The following MLLT10 variants were observed in gnomAD, a reference collection of about 807,000 sequenced individuals.
MLLT10 encodes MLLT10 histone lysine methyltransferase DOT1L cofactor.
A neutral mutation model predicts 129.1 loss-of-function variants in MLLT10; 30 were observed. The observed-to-expected ratio is 0.23, with a 90% confidence interval of 0.17 to 0.32. The LOEUF (loss-of-function observed/expected upper bound fraction) is 0.32, where lower values mean the gene tolerates loss of function less well. Ranked by LOEUF, MLLT10 falls within the 10% of genes least tolerant of loss-of-function variation. MLLT10 has a pLI of 1.00. For missense variants in MLLT10, 1,119 were observed against 1,268.3 expected (o/e 0.88, Z 1.79); for synonymous variants, 490 against 446.4 (o/e 1.10, Z -1.23).
At chr10:21,546,462 T>C (rs1457477867) in intron 3 of MLLT10, among the ~76,000 whole-genome samples, 1 of 151,876 alleles carries the variant, frequency 6.6e-6, no homozygotes, top group Non-Finnish European at 1.5e-5. Context: ...TGGAGTGCAG[T>C]GGTGTGATCT....
At chr10:21,698,054 G>C (rs917149982) in intron 13 of MLLT10, among the ~76,000 whole-genome samples, 1 of 152,136 alleles carries the variant, frequency 6.6e-6, no homozygotes, top group Non-Finnish European at 1.5e-5. Context: ...TATCATTTCT[G>C]TGTGTTGGCA....
At chr10:21,602,821 C>T in intron 5 of MLLT10, among the ~76,000 whole-genome samples, 1 of 151,928 alleles carries the variant, frequency 6.6e-6, no homozygotes, top group African/African-American at 2.4e-5. Flanking sequence ...CTCCACCTCC[C>T]AGGGTTCACA....
At chr10:21,550,241 C>T (rs1473059224) in intron 3 of MLLT10, among the ~76,000 whole-genome samples, 3 of 152,150 alleles carry the variant, frequency 2.0e-5, no homozygotes, top group African/African-American at 7.2e-5. Context: ...CCCATACCTT[C>T]CCTCAGTATC....
chr10:21,575,064 TTC>T (rs2040593877), intron 3 of MLLT10, among the ~76,000 whole-genome samples: 2 of 152,154 alleles, frequency 1.3e-5, no homozygotes, highest in African/African-American at 2.4e-5. Flanking sequence ...TGACTTCAAA[TTC>T]TCTGTTACTT....
In MLLT10 at chr10:21,592,295, A is replaced by G. The variant is rs373644309; in HGVS notation, c.296-3036A>G. On this transcript the variant is annotated intron_variant, in intron 4 of 22. Coordinates refer to ENST00000307729, the MANE Select transcript of MLLT10 (RefSeq NM_001195626.3). ...AGCTTCCTTCTGGAATCATTTTCCT[A>G]TTACTCAAGGAAAATTGTTTGGTGT... Among the ~76,000 whole-genome samples, 8 of 152,286 alleles carry G rather than the reference A, an allele frequency of 5.3e-5. No individual in the cohort carries two copies. The East Asian group carries it at 5.8e-4, about 11-fold the overall frequency.
chr10:21,582,145 G>A (rs2041527965), intron 3 of MLLT10, among the ~76,000 whole-genome samples: 1 of 151,214 alleles, frequency 6.6e-6, no homozygotes, highest in South Asian at 2.1e-4. Context: ...TTTTTGAGGT[G>A]GAGTCTCTTT....
At chr10:21,738,160 C>T (rs1000540304) in intron 21 of MLLT10, among the ~76,000 whole-genome samples, 1 of 151,912 alleles carries the variant, frequency 6.6e-6, no homozygotes, top group Admixed American at 6.6e-5. Flanking sequence ...CTCAGCTACT[C>T]AGGAGGCTGA....
rs939480085 is a variant in MLLT10, at chr10:21,629,009, A to G, written c.699+11802A>G. Among the ~76,000 whole-genome samples, 4 of 151,982 alleles carry G rather than the reference A, an allele frequency of 2.6e-5. No homozygotes were observed. In the South Asian group the frequency reaches 8.3e-4, roughly 32 times the overall value. On this transcript the variant is annotated intron_variant, in intron 8 of 22. Transcript: ENST00000307729. ...GGTGATTGCCCACCTTGGCCTCCCA[A>G]AGTGCTGGGATTACAGGAGCTGCCA... is the stretch of plus-strand genomic sequence containing the variant.
intron 8 of MLLT10, among the ~76,000 whole-genome samples, chr10:21,647,999 T>C (rs977466566): frequency 1.3e-5 from 2 of 152,192 alleles, no homozygotes; most frequent in Non-Finnish European, 2.9e-5. Flanking sequence ...CTTTAACCCA[T>C]CTGGATTTTG....
intron 5 of MLLT10, among the ~76,000 whole-genome samples, chr10:21,595,736 G>T (rs962703428): frequency 4.6e-5 from 7 of 151,922 alleles, no homozygotes; most frequent in African/African-American, 1.4e-4. Flanking sequence ...CCTCTTTTGC[G>T]CTTTCAAGTA....
chr10:21,564,291 A>C (rs150052171), intron 3 of MLLT10, among the ~76,000 whole-genome samples: 1 of 151,982 alleles, frequency 6.6e-6, no homozygotes, highest in Non-Finnish European at 1.5e-5. Context: ...GGGTCTTGCT[A>C]TGTTGCTCAG....
intron 3 of MLLT10, among the ~76,000 whole-genome samples, chr10:21,545,300 AT>A (rs1046715863): frequency 9.2e-5 from 14 of 151,792 alleles, no homozygotes; most frequent in Non-Finnish European, 1.8e-4. Context: ...AAGAGAACTG[AT>A]TATCAAGGAT....
chr10:21,549,122 C>CG (rs2036561418), intron 3 of MLLT10, among the ~76,000 whole-genome samples: 3 of 130,392 alleles, frequency 2.3e-5, no homozygotes, highest in South Asian at 4.9e-4. Flanking sequence ...GAGCTTATTC[C>CG]TTTTTTTTTT....
chr10:21,654,088 G>A (rs575512328), intron 9 of MLLT10, among the ~76,000 whole-genome samples: 9 of 152,192 alleles, frequency 5.9e-5, no homozygotes, highest in Non-Finnish European at 1.2e-4. Context: ...CATATATTAA[G>A]GACTAGCCCT....
At chr10:21,567,832 T>C (rs1196574315) in intron 3 of MLLT10, among the ~76,000 whole-genome samples, 1 of 151,444 alleles carries the variant, frequency 6.6e-6, no homozygotes, top group Non-Finnish European at 1.5e-5. Context: ...TTTTTTTTTT[T>C]TTTTTGAGAC....
intron 9 of MLLT10, among the ~76,000 whole-genome samples, chr10:21,655,376 C>T (rs2049462945): frequency 6.6e-6 from 1 of 152,164 alleles, no homozygotes. Flanking sequence ...TTTTAATACT[C>T]AGACCTTTGT....
chr10:21,551,813 T>C (rs1449043404), intron 3 of MLLT10: 20 of 427,006 alleles, frequency 4.7e-5, no homozygotes, highest in Non-Finnish European at 2.7e-5. Context: ...TTTTTTTTTT[T>C]AGGCAGAGTC....
Position 21,722,898 on chromosome 10 carries a change from G to T in MLLT10, c.1879-3346G>T, listed in dbSNP as rs185772386. On this transcript the variant is annotated intron_variant, in intron 14 of 22. Coordinates refer to ENST00000307729, the MANE Select transcript of MLLT10 (RefSeq NM_001195626.3). The stretch of plus-strand genomic sequence containing the variant: ...TGACGTTCATGATTTCAGTTTCCCA[G>T]CAGAAATTAATATGGAATGTAGTAG... Among the ~76,000 whole-genome samples, 29 of 152,198 alleles carry T rather than the reference G, an allele frequency of 1.9e-4. No individual in the cohort carries two copies. In the East Asian group the frequency reaches 5.6e-3, roughly 29 times the overall value.
chr10:21,727,979 T>G lies in MLLT10; in HGVS notation c.2063+51T>G. ...ATAGGCAAAGGAAACGTTTGAGATTTGGAAACTTTCTTATCTCATATCAGT... is the reference window on the plus strand; with the variant it reads ...ATAGGCAAAGGAAACGTTTGAGATTGGGAAACTTTCTTATCTCATATCAGT... On this transcript the variant is annotated intron_variant, in intron 16 of 22. Transcript: ENST00000307729. 3 of 1,516,970 alleles carry G rather than the reference T, an allele frequency of 2.0e-6. No homozygotes were observed. In the South Asian group the frequency reaches 3.4e-5, roughly 17 times the overall value. 94.0% of individuals were successfully genotyped at this position (1,516,970 alleles called of 1,614,324 possible). A position where few individuals can be genotyped will look rare whatever the true frequency, so the allele number is the denominator to read the frequency against.
Sources: gnomAD v4.1 joint callset for allele counts (sites outside exome capture counted in the v4.1 genomes callset) on GRCh38, gnomAD v4.1.1 for gene constraint, MANE v1.5 for transcripts, NCBI Gene and HGNC (gene_info 2026-07-23, HGNC 2026-07-21) for gene names.